The following STMN2 variants were observed in gnomAD, a reference collection of about 807,000 sequenced individuals.
The protein encoded by STMN2 is stathmin 2, also known as stathmin-2.
A neutral mutation model predicts 24.1 loss-of-function variants in STMN2; 2 were observed. The observed-to-expected ratio is 0.08, with a 90% CI of 0.03 to 0.26. The LOEUF (loss-of-function observed/expected upper bound fraction) is 0.26. Among genes scored for constraint, STMN2 ranks in the 10% least tolerant of loss-of-function variants. STMN2 has a pLI of 1.00. For missense variants in STMN2, 114 were observed against 213.6 expected (o/e 0.53, Z 2.91); for synonymous variants, 83 against 77.5 (o/e 1.07, Z -0.37).
At chr8:79,634,698 T>C (rs925918113) in intron 1 of STMN2, among the ~76,000 whole-genome samples, 1 of 152,176 alleles carries the variant, frequency 6.6e-6, no homozygotes, top group African/African-American at 2.4e-5. Flanking sequence ...ATTTGTAAAA[T>C]TGGTGGTGAG....
At chr8:79,657,409 A>G (rs1028665178) in intron 4 of STMN2, among the ~76,000 whole-genome samples, 4 of 152,148 alleles carry the variant, frequency 2.6e-5, no homozygotes, top group Admixed American at 1.3e-4. Context: ...TTTTCCTGCA[A>G]ATAATCAACC....
At chr8:79,615,328 T>C (rs570003688) in intron 1 of STMN2, among the ~76,000 whole-genome samples, 148 of 152,298 alleles carry the variant, frequency 9.7e-4, no homozygotes, top group African/African-American at 3.4e-3. Context: ...AAAGCTGGCC[T>C]CCGAGCAGGA....
At chr8:79,637,145 G>A (rs939446912) in intron 2 of STMN2, among the ~76,000 whole-genome samples, 2 of 152,138 alleles carry the variant, frequency 1.3e-5, no homozygotes, top group Admixed American at 6.6e-5. Context: ...GCCACATCCA[G>A]CATATCAACA....
intron 4 of STMN2, 126 bp downstream of exon 4, chr8:79,655,188 A>G: frequency 9.9e-7 from 1 of 1,006,968 alleles, no homozygotes; most frequent in Non-Finnish European, 1.4e-6. Context: ...ACTAACTCCC[A>G]TGGGCAGGGT....
chr8:79,631,464 A>G (rs1412171627), intron 1 of STMN2: 2 of 984,252 alleles, frequency 2.0e-6, no homozygotes, highest in Admixed American at 6.2e-5. Flanking sequence ...TTCTAAAGCA[A>G]TTAGCATTAC....
intron 1 of STMN2, among the ~76,000 whole-genome samples, chr8:79,636,208 C>G (rs192969364): frequency 2.9e-3 from 443 of 152,180 alleles, no homozygotes; most frequent in Admixed American, 0.011. Context: ...CAGAGCAACT[C>G]TGTCTCAAAG....
intron 3 of STMN2, among the ~76,000 whole-genome samples, chr8:79,650,894 A>C (rs1035815874): frequency 6.6e-6 from 1 of 152,150 alleles, no homozygotes; most frequent in African/African-American, 2.4e-5. Context: ...AACTAAGGTC[A>C]CACCACTATA....
intron 1 of STMN2, chr8:79,611,644 G>A (rs1809223403): frequency 2.3e-5 from 8 of 350,674 alleles, no homozygotes; most frequent in Non-Finnish European, 3.3e-5. Context: ...GTGGGAGAAA[G>A]GAAAAAGAAA....
chr8:79,631,598 C>T (rs1299131224), intron 1 of STMN2, among the ~76,000 whole-genome samples: 1 of 152,056 alleles, frequency 6.6e-6, no homozygotes, highest in African/African-American at 2.4e-5. Flanking sequence ...TAATTACATA[C>T]TCATCAACCA....
intron 3 of STMN2, among the ~76,000 whole-genome samples, chr8:79,654,621 G>A (rs1810408210): frequency 6.6e-6 from 1 of 152,070 alleles, no homozygotes; most frequent in Non-Finnish European, 1.5e-5. Context: ...TCCTCAATGA[G>A]GATTAAATGC....
chr8:79,659,730 A>G (rs1806461628), intron 4 of STMN2, among the ~76,000 whole-genome samples: 1 of 152,108 alleles, frequency 6.6e-6, no homozygotes, highest in Admixed American at 6.6e-5. Flanking sequence ...TGGGCCCAAT[A>G]CCTTTTCCAA....
At chr8:79,612,828 G>A (rs1313810024) in intron 1 of STMN2, among the ~76,000 whole-genome samples, 2 of 152,040 alleles carry the variant, frequency 1.3e-5, no homozygotes, top group South Asian at 2.1e-4. Flanking sequence ...AGACTGGCGG[G>A]GAAGAGGAAT....
chr8:79,657,609 G>A (rs1031531834), intron 4 of STMN2, among the ~76,000 whole-genome samples: 1 of 152,188 alleles, frequency 6.6e-6, no homozygotes, highest in Admixed American at 6.5e-5. Context: ...ATGCAGCCCA[G>A]AGAAATTCTA....
chr8:79,617,504 A>G (rs1419811505), intron 1 of STMN2, among the ~76,000 whole-genome samples: 1 of 152,256 alleles, frequency 6.6e-6, no homozygotes, highest in African/African-American at 2.4e-5. Context: ...TTAGCCATTC[A>G]GTTGTTGTTA....
At chr8:79,629,017 T>C (rs1268034606) in intron 1 of STMN2, among the ~76,000 whole-genome samples, 1 of 152,198 alleles carries the variant, frequency 6.6e-6, no homozygotes, top group Non-Finnish European at 1.5e-5. Flanking sequence ...AAGTGACATT[T>C]GAGTTTCAAA....
chr8:79,611,154 C>T lies in STMN2; in HGVS notation c.-42C>T. 1 of 1,613,846 alleles carries T rather than the reference C, an allele frequency of 6.2e-7. No individual in the cohort carries two copies. The highest frequency in any genetic ancestry group is 8.5e-7 in the Non-Finnish European group (1 of 1,179,960). ...CGCTCTCTCCGCTGCTGTAGCCGGA[C>T]CCTTTGCCTTCGCCACTGCTCAGCG... is the stretch of plus-strand genomic sequence containing the variant. On this transcript the variant is annotated 5_prime_UTR_variant, in exon 1 of 5. Transcript: ENST00000220876.
At chr8:79,637,873 C>A (rs1356221105) in intron 2 of STMN2, among the ~76,000 whole-genome samples, 2 of 152,276 alleles carry the variant, frequency 1.3e-5, no homozygotes, top group East Asian at 3.9e-4. Context: ...CCTTCTGCAC[C>A]TTTAAAGCCT....
rs999769307 is a variant in STMN2 at position 79,638,199 on chromosome 8, T to G, written c.115+1302T>G. Reference sequence around the variant, plus strand: ...AGTTCCATAGGGCGTAGTCCTCACCTTCAAAGAATTCAGGGCTTAGTAGAA... The same window carrying G: ...AGTTCCATAGGGCGTAGTCCTCACCGTCAAAGAATTCAGGGCTTAGTAGAA... On this transcript the variant is annotated intron_variant, in intron 2 of 4. Coordinates refer to ENST00000220876, the MANE Select transcript of STMN2 (RefSeq NM_007029.4). Among the ~76,000 whole-genome samples, 4 of 152,330 alleles carry G rather than the reference T, an allele frequency of 2.6e-5. No individual in the cohort carries two copies. In the East Asian group the frequency reaches 7.7e-4, roughly 29 times the overall value.
At chr8:79,634,456 A>G (rs961858567) in intron 1 of STMN2, among the ~76,000 whole-genome samples, 14 of 152,250 alleles carry the variant, frequency 9.2e-5, no homozygotes, top group Non-Finnish European at 2.1e-4. Flanking sequence ...AAAATAAGCT[A>G]AATAGTGAGG....
Sources: gnomAD v4.1 joint callset for allele counts (sites outside exome capture counted in the v4.1 genomes callset) on GRCh38, gnomAD v4.1.1 for gene constraint, MANE v1.5 for transcripts, NCBI Gene and HGNC (gene_info 2026-07-23, HGNC 2026-07-21) for gene names.